The following PDZRN4 variants were observed in gnomAD, a reference collection of about 807,000 sequenced individuals.
The protein encoded by PDZRN4 is PDZ domain-containing RING finger protein 4.
A neutral mutation model predicts 99.0 loss-of-function variants in PDZRN4; 70 were observed. The observed-to-expected ratio is 0.71, with a 90% CI of 0.58 to 0.86. The LOEUF (loss-of-function observed/expected upper bound fraction) is 0.86, where lower values mean the gene tolerates loss of function less well. PDZRN4 is among the 40% of genes least tolerant of loss of function. The pLI, the probability that PDZRN4 is intolerant of heterozygous loss-of-function variation, is 0.00. For synonymous variants in PDZRN4, 551 were observed against 501.6 expected, an observed-to-expected ratio of 1.10 and a Z score of -1.32; for missense variants, 1,474 against 1,331.2, an observed-to-expected ratio of 1.11 and a Z score of -1.67.
At chr12:41,330,754 T>C (rs1048239680) in intron 3 of PDZRN4, among the ~76,000 whole-genome samples, 17 of 152,210 alleles carry the variant, frequency 1.1e-4, no homozygotes, top group African/African-American at 3.4e-4. Context: ...AATAAGTTAC[T>C]TTTTTAAGTT....
At chr12:41,561,909 G>A (rs1939277211) in intron 7 of PDZRN4, among the ~76,000 whole-genome samples, 2 of 152,074 alleles carry the variant, frequency 1.3e-5, no homozygotes, top group Non-Finnish European at 2.9e-5. Context: ...GAGGGTAGGG[G>A]AAGTATAGTG....
intron 3 of PDZRN4, among the ~76,000 whole-genome samples, chr12:41,355,352 C>T (rs768372401): frequency 7.9e-5 from 12 of 151,966 alleles, no homozygotes; most frequent in Non-Finnish European, 1.6e-4. Context: ...ATGGGCCCTA[C>T]CCTTTTCTAG....
At chr12:41,241,244 GT>G (rs1026804317) in intron 3 of PDZRN4, among the ~76,000 whole-genome samples, 5 of 152,058 alleles carry the variant, frequency 3.3e-5, no homozygotes, top group African/African-American at 1.2e-4. Context: ...TGCTCACAAG[GT>G]TTCAAATTCT....
rs1950717050 is a variant in PDZRN4 at position 41,189,034 on chromosome 12, G to A, written c.579G>A (p.Gln193=). Reference sequence around the variant, plus strand: ...TGCAGCTCACGGCGCGCAGGTACCAGGAGAAGTTCACCCAATACATGGCTC... The same window carrying A: ...TGCAGCTCACGGCGCGCAGGTACCAAGAGAAGTTCACCCAATACATGGCTC... ...GEVQLTARRY[Q]EKFTQYMAHV... The change falls in exon 1 of 10, where the codon CAG becomes CAA. Residue 193 remains glutamine, a synonymous_variant. Transcript: ENST00000402685. The A allele has an allele frequency of 1.9e-6, 3 of 1,571,556 alleles. No individual in the cohort carries two copies. The highest frequency in any genetic ancestry group is 1.8e-5 in the Admixed American group (1 of 56,062).
intron 3 of PDZRN4, among the ~76,000 whole-genome samples, chr12:41,250,514 G>A (rs1951162095): frequency 6.6e-6 from 1 of 152,182 alleles, no homozygotes; most frequent in African/African-American, 2.4e-5. Flanking sequence ...AATGATGCCA[G>A]CCTTTTAGTC....
chr12:41,357,815 A>G lies in PDZRN4; in HGVS notation c.844-148641A>G, dbSNP rs564744708. Among the ~76,000 whole-genome samples, 10 of 152,124 alleles carry G rather than the reference A, an allele frequency of 6.6e-5. No homozygotes were observed. The East Asian group carries it at 1.9e-3, about 30-fold the overall frequency. On this transcript the variant is annotated intron_variant, in intron 3 of 9. Coordinates refer to ENST00000402685, the MANE Select transcript of PDZRN4 (RefSeq NM_001164595.2). ...CACTAAAATGTTCCAGTACCCAGCT[A>G]TTAGATACAAGATCAGTCTCTGAAT...
intron 5 of PDZRN4, among the ~76,000 whole-genome samples, chr12:41,530,695 C>T (rs572127286): frequency 2.0e-5 from 3 of 152,304 alleles, no homozygotes; most frequent in African/African-American, 7.2e-5. Flanking sequence ...GCAATTCTGA[C>T]TCATACTAAT....
intron 3 of PDZRN4, among the ~76,000 whole-genome samples, chr12:41,200,005 A>G (rs2120661484): frequency 6.6e-6 from 1 of 152,284 alleles, no homozygotes; most frequent in South Asian, 2.1e-4. Context: ...GTAACCCCTA[A>G]ATCTATAAAA....
At chr12:41,396,022 T>C (rs1952243471) in intron 3 of PDZRN4, among the ~76,000 whole-genome samples, 1 of 152,110 alleles carries the variant, frequency 6.6e-6, no homozygotes, top group South Asian at 2.1e-4. Flanking sequence ...TCACCTCTGT[T>C]TGTTTACCAG....
chr12:41,461,724 T>C (rs1002513189), intron 3 of PDZRN4, among the ~76,000 whole-genome samples: 2 of 152,200 alleles, frequency 1.3e-5, no homozygotes, highest in Non-Finnish European at 2.9e-5. Context: ...ATTGAAATGG[T>C]ATCTACTTTA....
At chr12:41,479,037 T>C (rs945170386) in intron 3 of PDZRN4, among the ~76,000 whole-genome samples, 1 of 152,170 alleles carries the variant, frequency 6.6e-6, no homozygotes, top group Non-Finnish European at 1.5e-5. Context: ...CAAGTAGTTG[T>C]GAAAAAAAGT....
chr12:41,552,666 T>C lies in PDZRN4; in HGVS notation c.1214T>C (p.Leu405Ser). The C allele has an allele frequency of 6.2e-7, 1 of 1,613,382 alleles. No homozygotes were observed. Among genetic ancestry groups the C allele is most frequent in the South Asian group, 1.1e-5 (1 of 91,062 alleles). The part of the protein sequence containing the change: ...TEDFEYEEVE[L>S]CRVSSQEKLG... ...GTGTTGTTCTTTCAGGAGGTCGAGT[T>C]GTGTCGTGTTAGCAGTCAAGAGAAG... Residue 405 changes from leucine (L) to serine (S), a missense_variant, in exon 6 of 10, where the codon TTG becomes TCG. By Grantham distance (145) the Leu-to-Ser change is moderately radical (BLOSUM62 -2). Transcript: ENST00000402685.
At position 41,573,564 on chromosome 12, in the gene PDZRN4, G is replaced by A. The variant is rs767880312; in HGVS notation, c.2785G>A (p.Asp929Asn). The change falls in exon 10 of 10, where the codon GAT becomes AAT. Residue 929 changes from aspartate to asparagine, a missense_variant. By Grantham distance (23) the Asp-to-Asn change is conservative. Transcript: ENST00000402685. ...KEERSGMTTD[D>N]DTMSEMKMGR... is the part of the protein sequence containing the mutation. The stretch of plus-strand genomic sequence containing the variant: ...AGAGCGGAGTGGCATGACCACAGAC[G>A]ATGACACCATGAGCGAGATGAAAAT... 4 of 1,613,202 alleles carry A rather than the reference G, an allele frequency of 2.5e-6. No individual in the cohort carries two copies. The highest frequency in any genetic ancestry group is 1.3e-5 in the African/African-American group (1 of 74,594).
intron 3 of PDZRN4, among the ~76,000 whole-genome samples, chr12:41,331,925 C>A (rs1422281281): frequency 1.3e-5 from 2 of 152,072 alleles, no homozygotes; most frequent in Non-Finnish European, 2.9e-5. Context: ...CCGAATCTAT[C>A]TGGAGCATTA....
At chr12:41,454,152 G>T (rs958255189) in intron 3 of PDZRN4, among the ~76,000 whole-genome samples, 8 of 152,008 alleles carry the variant, frequency 5.3e-5, no homozygotes, top group Non-Finnish European at 8.8e-5. Flanking sequence ...GATTTTGGAA[G>T]GCTCAATCTT....
intron 3 of PDZRN4, among the ~76,000 whole-genome samples, chr12:41,275,047 T>A (rs1215101725): frequency 6.6e-6 from 1 of 152,096 alleles, no homozygotes; most frequent in Non-Finnish European, 1.5e-5. Flanking sequence ...GCTACAGGGA[T>A]CAGTGCTTTA....
chr12:41,390,177 A>C (rs2121117326), intron 3 of PDZRN4, among the ~76,000 whole-genome samples: 1 of 152,236 alleles, frequency 6.6e-6, no homozygotes, highest in South Asian at 2.1e-4. Flanking sequence ...AACACTGATA[A>C]TCTAGCCATT....
intron 3 of PDZRN4, among the ~76,000 whole-genome samples, chr12:41,352,087 A>C (rs1228869123): frequency 6.6e-6 from 1 of 152,050 alleles, no homozygotes; most frequent in Non-Finnish European, 1.5e-5. Flanking sequence ...ATTTGAAAAA[A>C]GTGGGGATGT....
chr12:41,551,447 C>G (rs1032633883), intron 5 of PDZRN4, among the ~76,000 whole-genome samples: 1 of 152,112 alleles, frequency 6.6e-6, no homozygotes, highest in South Asian at 2.1e-4. Flanking sequence ...AATCTTTACA[C>G]ACACACACAC....
Sources: gnomAD v4.1 joint callset for allele counts (sites outside exome capture counted in the v4.1 genomes callset) on GRCh38, gnomAD v4.1.1 for gene constraint, MANE v1.5 for transcripts, NCBI Gene and HGNC (gene_info 2026-07-23, HGNC 2026-07-21) for gene names.